Variants in CADM2 observed in about 807,000 individuals in gnomAD.
CADM2 encodes the protein cell adhesion molecule 2.
In CADM2, 12 loss-of-function variants were observed where a neutral mutation model predicts 49.8. The ratio of observed to expected loss-of-function variants is 0.24; its 90% CI spans 0.15 to 0.39. The LOEUF (loss-of-function observed/expected upper bound fraction) is 0.39, where lower values mean the gene tolerates loss of function less well. CADM2 is among the 10% of genes least tolerant of loss of function. The pLI is 1.00. For synonymous variants in CADM2, 214 were observed against 175.4 expected, an observed-to-expected ratio of 1.22 and a Z score of -1.74; for missense variants, 378 against 492.3, an observed-to-expected ratio of 0.77 and a Z score of 2.20.
At chr3:85,918,417 G>C (rs1233829462) in intron 6 of CADM2, among the ~76,000 whole-genome samples, 1 of 152,064 alleles carries the variant, frequency 6.6e-6, no homozygotes, top group African/African-American at 2.4e-5. Context: ...ATAATCATGT[G>C]GTTTTTGTCT....
intron 1 of CADM2, among the ~76,000 whole-genome samples, chr3:85,489,330 G>A (rs867545941): frequency 1.9e-4 from 29 of 152,118 alleles, no homozygotes; most frequent in African/African-American, 7.0e-4. Context: ...TAAAATAAGA[G>A]AATTCATTGA....
intron 3 of CADM2, among the ~76,000 whole-genome samples, chr3:85,834,361 GC>G (rs1050787660): frequency 6.6e-6 from 1 of 151,520 alleles, no homozygotes; most frequent in Non-Finnish European, 1.5e-5. Context: ...TAATTGGTTA[GC>G]GTTTTTAACT....
intron 2 of CADM2, among the ~76,000 whole-genome samples, chr3:85,737,979 A>T (rs1012371542): frequency 6.6e-6 from 1 of 152,164 alleles, no homozygotes; most frequent in Admixed American, 6.5e-5. Context: ...TAATCATCTG[A>T]TGGGCACTGA....
chr3:85,299,824 G>A (rs533971272), intron 1 of CADM2, among the ~76,000 whole-genome samples: 1 of 152,150 alleles, frequency 6.6e-6, no homozygotes, highest in African/African-American at 2.4e-5. Flanking sequence ...AGATTTAATA[G>A]GAGACCATTA....
rs985470990 is a variant in CADM2, at chr3:85,350,763, G to GA, written c.62-375750dup. Reference sequence around the variant, plus strand: ...GAACAAGAAGGTTTGGGTTATTAACGAAAAAAAAAGTAGAGATGGGGAAAT... The same window carrying GA: ...GAACAAGAAGGTTTGGGTTATTAACGAAAAAAAAAAGTAGAGATGGGGAAAT... On this transcript the variant is annotated intron_variant, in intron 1 of 9. Coordinates refer to ENST00000383699, the MANE Select transcript of CADM2 (RefSeq NM_001167675.2). 4.7e-5 allele frequency among the ~76,000 whole-genome samples: 7 copies of GA among 149,796 alleles called. No individual in the cohort carries two copies. In the South Asian group the frequency reaches 6.3e-4, roughly 14 times the overall value.
intron 6 of CADM2, among the ~76,000 whole-genome samples, chr3:85,918,817 T>A (rs992590888): frequency 2.0e-5 from 3 of 152,112 alleles, no homozygotes; most frequent in Non-Finnish European, 2.9e-5. Flanking sequence ...CCTCCCATTT[T>A]TGCACAGATT....
chr3:85,088,702 A>C (rs941839090), intron 1 of CADM2, among the ~76,000 whole-genome samples: 4 of 152,126 alleles, frequency 2.6e-5, no homozygotes, highest in Non-Finnish European at 5.9e-5. Flanking sequence ...CATTAAGAAG[A>C]CCTATTATGA....
intron 1 of CADM2, among the ~76,000 whole-genome samples, chr3:84,983,796 G>C (rs1575970110): frequency 6.6e-6 from 1 of 151,990 alleles, no homozygotes; most frequent in South Asian, 2.1e-4. Context: ...ATTGCATTAC[G>C]ATTTTTATTT....
intron 1 of CADM2, among the ~76,000 whole-genome samples, chr3:85,503,307 G>C (rs762838905): frequency 2.6e-5 from 4 of 152,052 alleles, no homozygotes; most frequent in Non-Finnish European, 4.4e-5. Flanking sequence ...ATATGCTCAG[G>C]AAGTCAAATG....
At chr3:85,019,687 T>C (rs1299915327) in intron 1 of CADM2, among the ~76,000 whole-genome samples, 1 of 152,152 alleles carries the variant, frequency 6.6e-6, no homozygotes, top group East Asian at 1.9e-4. Flanking sequence ...GGCAGTACAA[T>C]TTCAACCTGA....
chr3:85,680,030 TAAA>T (rs1029087285), intron 1 of CADM2, among the ~76,000 whole-genome samples: 1 of 151,990 alleles, frequency 6.6e-6, no homozygotes, highest in Non-Finnish European at 1.5e-5. Context: ...ATAAAGGAAA[TAAA>T]AACCCTTTGA....
chr3:85,591,725 C>T (rs1311331334), intron 1 of CADM2, among the ~76,000 whole-genome samples: 2 of 151,974 alleles, frequency 1.3e-5, no homozygotes, highest in Non-Finnish European at 2.9e-5. Flanking sequence ...TCTTTGCTAG[C>T]TAGAATAGAG....
chr3:85,622,917 A>G (rs1362526509), intron 1 of CADM2, among the ~76,000 whole-genome samples: 2 of 152,066 alleles, frequency 1.3e-5, no homozygotes, highest in African/African-American at 2.4e-5. Flanking sequence ...GCTTTAGGCT[A>G]TGGTTTGGGA....
At chr3:85,600,733 A>C (rs1030610797) in intron 1 of CADM2, among the ~76,000 whole-genome samples, 4 of 151,778 alleles carry the variant, frequency 2.6e-5, no homozygotes, top group Non-Finnish European at 5.9e-5. Flanking sequence ...CTTTTGAATC[A>C]GTATGAATTG....
At chr3:85,670,301 T>G (rs1193431120) in intron 1 of CADM2, among the ~76,000 whole-genome samples, 1 of 152,168 alleles carries the variant, frequency 6.6e-6, no homozygotes, top group Non-Finnish European at 1.5e-5. Context: ...AATAACTAAG[T>G]AGAAACAAAT....
At chr3:85,407,692 G>A (rs2035454291) in intron 1 of CADM2, among the ~76,000 whole-genome samples, 1 of 152,096 alleles carries the variant, frequency 6.6e-6, no homozygotes, top group Non-Finnish European at 1.5e-5. Context: ...AAGAATTAAT[G>A]AGTAATAAGG....
intron 1 of CADM2, among the ~76,000 whole-genome samples, chr3:85,628,408 TTAACTCCTAATACTCTGCTCCA>T (rs2107512370): frequency 6.6e-6 from 1 of 151,676 alleles, no homozygotes; most frequent in East Asian, 1.9e-4. Context: ...TCTCAGCATC[TTAACTCCTAATACTCTGCTCCA>T]GGTTTTATTT....
rs553604732 is a variant in CADM2 at position 86,024,386 on chromosome 3, T to C, written c.971-41219T>C. On this transcript the variant is annotated intron_variant, in intron 8 of 9. Coordinates refer to ENST00000383699, the MANE Select transcript of CADM2 (RefSeq NM_001167675.2). ...GTAAGCGAGAATCTCTATTGCTGAG[T>C]TATACATTAGAATTTTCAAAGCGAG... Among the ~76,000 whole-genome samples the C allele has an allele frequency of 2.0e-5, 3 of 152,308 alleles. No homozygotes were observed. The East Asian group carries it at 5.8e-4, about 29-fold the overall frequency.
intron 1 of CADM2, among the ~76,000 whole-genome samples, chr3:85,217,401 G>A (rs1460097854): frequency 3.3e-5 from 5 of 151,998 alleles, no homozygotes; most frequent in South Asian, 2.1e-4. Context: ...CAAAAGATAT[G>A]AGCACTTTAG....
Sources: allele counts gnomAD v4.1 joint callset (sites outside exome capture counted in the v4.1 genomes callset), GRCh38; gene constraint gnomAD v4.1.1; transcripts MANE v1.5; gene names NCBI Gene and HGNC (gene_info 2026-07-23, HGNC 2026-07-21).